The following LDLRAD4 variants were observed in gnomAD, a reference collection of about 807,000 sequenced individuals.
LDLRAD4 encodes the protein low-density lipoprotein receptor class A domain-containing protein 4.
LDLRAD4 carries 5 observed loss-of-function variants against 17.0 expected under a neutral mutation model. The ratio of observed to expected loss-of-function variants is 0.29; its 90% CI spans 0.15 to 0.62. The LOEUF (loss-of-function observed/expected upper bound fraction) is 0.62, where lower values mean the gene tolerates loss of function less well. Ranked by LOEUF, LDLRAD4 falls within the 20% of genes least tolerant of loss-of-function variation. The pLI is 0.84. For synonymous variants in LDLRAD4, 168 were observed against 171.8 expected (o/e 0.98, Z 0.17); for missense variants, 340 against 424.7 (o/e 0.80, Z 1.75).
intron 2 of LDLRAD4, among the ~76,000 whole-genome samples, chr18:13,394,414 A>G (rs2086499268): frequency 6.6e-6 from 1 of 152,194 alleles, no homozygotes; most frequent in South Asian, 2.1e-4. Flanking sequence ...CTGAAATTAT[A>G]TTTATTTTAA....
intron 1 of LDLRAD4, among the ~76,000 whole-genome samples, chr18:13,238,450 CCTT>C (rs1371375450): frequency 1.3e-5 from 2 of 152,190 alleles, no homozygotes; most frequent in African/African-American, 4.8e-5. Context: ...GCACCTGATG[CCTT>C]CTTTATTTGG....
intron 1 of LDLRAD4, among the ~76,000 whole-genome samples, chr18:13,239,258 G>T (rs1347719185): frequency 6.6e-6 from 1 of 151,872 alleles, no homozygotes; most frequent in African/African-American, 2.4e-5. Flanking sequence ...TGAAGCCTGC[G>T]GTTGGAGGGG....
intron 2 of LDLRAD4, chr18:13,423,450 G>T (rs113579164): frequency 6.6e-6 from 1 of 150,848 alleles, no homozygotes; most frequent in Non-Finnish European, 1.5e-5. Context: ...CCAAGATTGC[G>T]CCATTGCACT....
intron 3 of LDLRAD4, among the ~76,000 whole-genome samples, chr18:13,583,194 A>G (rs2148464648): frequency 6.6e-6 from 1 of 152,186 alleles, no homozygotes; most frequent in Non-Finnish European, 1.5e-5. Context: ...AAGCTTTTGT[A>G]ATATTAGTAC....
chr18:13,343,194 T>C (rs1009328243), intron 1 of LDLRAD4, among the ~76,000 whole-genome samples: 2 of 151,882 alleles, frequency 1.3e-5, no homozygotes, highest in Non-Finnish European at 2.9e-5. Flanking sequence ...TAACTCGTTA[T>C]TTAACATTAA....
chr18:13,276,401 A>G (rs536089682), upstream of LDLRAD4, among the ~76,000 whole-genome samples: 6 of 152,344 alleles, frequency 3.9e-5, no homozygotes, highest in African/African-American at 1.4e-4. Flanking sequence ...GTTATCTCAC[A>G]GTTTCCAAGG....
chr18:13,433,686 A>T (rs1490731089), intron 2 of LDLRAD4, among the ~76,000 whole-genome samples: 1 of 150,464 alleles, frequency 6.6e-6, no homozygotes, highest in Non-Finnish European at 1.5e-5. Context: ...GGTCCTTAAA[A>T]TTTTTTTTAA....
chr18:13,636,535 G>A (rs1394660236), intron 4 of LDLRAD4, among the ~76,000 whole-genome samples: 7 of 62,448 alleles, frequency 1.1e-4, no homozygotes, highest in South Asian at 1.5e-3. Context: ...TTGCTCTGTC[G>A]CCCAGGCTGG....
intron 1 of LDLRAD4, among the ~76,000 whole-genome samples, chr18:13,244,128 C>T (rs1443286460): frequency 2.7e-4 from 12 of 44,778 alleles, no homozygotes; most frequent in Admixed American, 6.5e-4. Flanking sequence ...ATGAACTCAC[C>T]CACCCACCCA....
chr18:13,643,478 G>A, intron 5 of LDLRAD4, 66 bp downstream of exon 6: 1 of 716,774 alleles, frequency 1.4e-6, no homozygotes, highest in Non-Finnish European at 2.0e-6. Flanking sequence ...AAGGGGGCGT[G>A]TCCCTGCCAC....
At chr18:13,583,970 C>G (rs2094901611) in intron 3 of LDLRAD4, among the ~76,000 whole-genome samples, 1 of 152,172 alleles carries the variant, frequency 6.6e-6, no homozygotes, top group Admixed American at 6.5e-5. Context: ...CTTCCCATCT[C>G]CGCAGCCTCA....
intron 1 of LDLRAD4, among the ~76,000 whole-genome samples, chr18:13,232,489 G>C (rs564963058): frequency 6.6e-6 from 1 of 151,064 alleles, no homozygotes; most frequent in African/African-American, 2.5e-5. Flanking sequence ...TCCGGGGGCT[G>C]CTGCTGCCCC....
intron 3 of LDLRAD4, among the ~76,000 whole-genome samples, chr18:13,536,004 GATCTGTAGGTCT>G (rs1568310568): frequency 6.6e-6 from 1 of 152,020 alleles, no homozygotes; most frequent in Non-Finnish European, 1.5e-5. Flanking sequence ...CTGTTCCATT[GATCTGTAGGTCT>G]ATCTGTATAC....
rs563321556 is a variant in LDLRAD4, at chr18:13,477,673, T to A, written c.181+39289T>A. Reference sequence around the variant, plus strand: ...TTTCATAGCTGAGAAAACTACAGTTTGGAGAGCAAAGAAGTGAGCCCAGGG... The same window carrying A: ...TTTCATAGCTGAGAAAACTACAGTTAGGAGAGCAAAGAAGTGAGCCCAGGG... On this transcript the variant is annotated intron_variant, in intron 3 of 5. Coordinates refer to ENST00000359446, the Ensembl canonical transcript of LDLRAD4. Among the ~76,000 whole-genome samples the A allele has an allele frequency of 1.1e-4, 17 of 152,318 alleles. No homozygotes were observed. In the South Asian group the frequency reaches 2.9e-3, roughly 26 times the overall value.
At chr18:13,409,754 A>G (rs2088146728) in intron 2 of LDLRAD4, among the ~76,000 whole-genome samples, 1 of 152,234 alleles carries the variant, frequency 6.6e-6, no homozygotes, top group African/African-American at 2.4e-5. Flanking sequence ...AAAATAGAAA[A>G]TCACCATCAG....
At chr18:13,232,117 G>C (rs1018743197) in intron 1 of LDLRAD4, among the ~76,000 whole-genome samples, 2 of 152,250 alleles carry the variant, frequency 1.3e-5, no homozygotes, top group Non-Finnish European at 2.9e-5. Context: ...CTCTCCTGGT[G>C]GGCCATGCAG....
intron 3 of LDLRAD4, chr18:13,500,589 G>A (rs1402836849): frequency 1.3e-5 from 2 of 152,162 alleles, no homozygotes; most frequent in Admixed American, 6.5e-5. Context: ...TGTGAAGCCC[G>A]CGGGAAGTTC....
At chr18:13,266,487 G>C (rs572914333) in intron 1 of LDLRAD4, among the ~76,000 whole-genome samples, 1 of 152,360 alleles carries the variant, frequency 6.6e-6, no homozygotes, top group African/African-American at 2.4e-5. Context: ...TCTGGCATGG[G>C]GCTCAGGTGT....
At chr18:13,627,965 T>G (rs1328272362) in intron 4 of LDLRAD4, among the ~76,000 whole-genome samples, 1 of 152,156 alleles carries the variant, frequency 6.6e-6, no homozygotes, top group Non-Finnish European at 1.5e-5. Flanking sequence ...TTTCTCTACC[T>G]GGGCAGTGTC....
Sources: gnomAD v4.1 joint callset for allele counts (sites outside exome capture counted in the v4.1 genomes callset) on GRCh38, gnomAD v4.1.1 for gene constraint, MANE v1.5 for transcripts, NCBI Gene and HGNC (gene_info 2026-07-23, HGNC 2026-07-21) for gene names.